TBC1D1: variants seen among roughly 807,000 people sequenced by gnomAD.
The protein encoded by TBC1D1 is TBC1 (tre-2/USP6, BUB2, cdc16) domain family, member 1.
Under a neutral mutation model 125.6 loss-of-function variants are expected in TBC1D1, and 89 were observed. The ratio of observed to expected loss-of-function variants is 0.71; its 90% CI spans 0.60 to 0.85. The LOEUF (loss-of-function observed/expected upper bound fraction) is 0.85. Ranked by LOEUF, TBC1D1 falls within the 40% of genes least tolerant of loss-of-function variation. The probability of loss-of-function intolerance (pLI) is 0.00; values close to 1 mark genes in which losing one functional copy is unlikely to be tolerated. For missense variants in TBC1D1, 1,377 were observed against 1,469.2 expected (o/e 0.94, Z 1.03); for synonymous variants, 565 against 564.1 (o/e 1.00, Z -0.02).
chr4:38,022,029 G>C (rs1403692105), intron 6 of TBC1D1, among the ~76,000 whole-genome samples: 1 of 152,240 alleles, frequency 6.6e-6, no homozygotes, highest in African/African-American at 2.4e-5. Flanking sequence ...GGTTGTGTGA[G>C]TGGTCAGTCA....
At chr4:38,063,284 A>G (rs1225190069) in intron 12 of TBC1D1, among the ~76,000 whole-genome samples, 2 of 152,196 alleles carry the variant, frequency 1.3e-5, no homozygotes, top group Non-Finnish European at 2.9e-5. Flanking sequence ...ATTCACTTTC[A>G]GGGCCTGGCA....
chr4:38,071,266 G>A (rs1403780113), intron 12 of TBC1D1, among the ~76,000 whole-genome samples: 1 of 152,060 alleles, frequency 6.6e-6, no homozygotes, highest in African/African-American at 2.4e-5. Flanking sequence ...CTGGGAAAGA[G>A]CCCCCAAGTG....
intron 17 of TBC1D1, among the ~76,000 whole-genome samples, chr4:38,121,281 AAG>A (rs1172461456): frequency 2.0e-5 from 3 of 152,322 alleles, no homozygotes; most frequent in East Asian, 3.9e-4. Flanking sequence ...TGGCTGGAAA[AAG>A]AGATGCAGTG....
At chr4:37,938,434 T>C (rs768419715) in intron 2 of TBC1D1, among the ~76,000 whole-genome samples, 2 of 152,172 alleles carry the variant, frequency 1.3e-5, no homozygotes, top group African/African-American at 2.4e-5. Context: ...GGTTGGACAG[T>C]GCAAACATAA....
In TBC1D1 at chr4:38,115,860, A is replaced by T. The variant is rs762184796; in HGVS notation, c.2708A>T (p.His903Leu). 2 of 1,614,202 alleles carry T rather than the reference A, an allele frequency of 1.2e-6. No individual in the cohort carries two copies. Among genetic ancestry groups the T allele is most frequent in the Middle Eastern group, 1.6e-4 (1 of 6,062 alleles). ...TTTGTAGCAGGCATTTTGCTTCTTC[A>T]TATGAGTGAGGAAGAGGCGTTTAAA... The change falls in exon 16 of 20, where the codon CAT (histidine) becomes CTT (leucine). Residue 903 changes from histidine (H) to leucine (L), a missense_variant. His to Leu is a moderately conservative substitution (Grantham distance 99). Coordinates refer to ENST00000261439, the MANE Select transcript of TBC1D1 (RefSeq NM_015173.4).
chr4:37,892,564 T>C (rs1251467997), intron 1 of TBC1D1, among the ~76,000 whole-genome samples: 1 of 149,932 alleles, frequency 6.7e-6, no homozygotes, highest in Non-Finnish European at 1.5e-5. Context: ...ATTTCTTTCC[T>C]GTGGATTTGT....
Position 37,955,408 on chromosome 4 carries a change from C to T in TBC1D1, c.417+52896C>T, listed in dbSNP as rs569296656. Among the ~76,000 whole-genome samples the T allele has an allele frequency of 3.3e-5, 5 of 152,208 alleles. No homozygotes were observed. The South Asian group carries it at 8.3e-4, about 25-fold the overall frequency. On this transcript the variant is annotated intron_variant, in intron 2 of 19. Transcript: ENST00000261439. ...CAAAATCCATGGATGCTCAAACCCC[C>T]GATATAAAATGACATAGTATTTGCC...
intron 2 of TBC1D1, among the ~76,000 whole-genome samples, chr4:37,935,391 T>C (rs1724180921): frequency 6.6e-6 from 1 of 152,190 alleles, no homozygotes; most frequent in South Asian, 2.1e-4. Context: ...TTCTTTTTGA[T>C]TAATGGCTCA....
chr4:37,998,486 C>T (rs1738304983), intron 2 of TBC1D1, among the ~76,000 whole-genome samples: 1 of 152,222 alleles, frequency 6.6e-6, no homozygotes, highest in South Asian at 2.1e-4. Context: ...CTGTCCTGGG[C>T]CTCCTCCACA....
intron 2 of TBC1D1, among the ~76,000 whole-genome samples, chr4:37,920,033 AACC>A (rs1212381863): frequency 6.6e-6 from 1 of 152,338 alleles, no homozygotes; most frequent in East Asian, 1.9e-4. Context: ...GAATGGCGTG[AACC>A]GGTGAGGCGG....
At chr4:38,082,932 G>T (rs939008707) in intron 12 of TBC1D1, among the ~76,000 whole-genome samples, 2 of 152,222 alleles carry the variant, frequency 1.3e-5, no homozygotes, top group Non-Finnish European at 2.9e-5. Context: ...TTGGGAGGGA[G>T]TGGGGATAAA....
rs531127544 is a variant in TBC1D1, at chr4:37,902,071, G to A, written c.-25G>A. 3.5e-5 allele frequency: 55 copies of A among 1,556,464 alleles called. 2 individuals carry two copies. The South Asian group carries it at 5.5e-4, about 16-fold the overall frequency. On this transcript the variant is annotated 5_prime_UTR_variant, in exon 2 of 20. Coordinates refer to ENST00000261439, the MANE Select transcript of TBC1D1 (RefSeq NM_015173.4). Reference sequence around the variant, plus strand: ...ACAGAAAAACAGTGATAACTGTTTTGCTGAGTTCCCAGACCCTTCCCAAGA... The same window carrying A: ...ACAGAAAAACAGTGATAACTGTTTTACTGAGTTCCCAGACCCTTCCCAAGA...
intron 11 of TBC1D1, chr4:38,051,925 C>T: frequency 6.4e-7 from 1 of 1,550,440 alleles, no homozygotes; most frequent in African/African-American, 1.4e-5. Context: ...GTGGGTGAGT[C>T]TAAGCACCGC....
rs1337964559 is a variant in TBC1D1, at chr4:38,014,524, A to G, written c.433A>G (p.Ser145Gly). The change falls in exon 3 of 20, where the codon AGC (serine) becomes GGC (glycine). Residue 145 changes from serine to glycine, a missense_variant. Ser to Gly is a moderately conservative substitution (Grantham distance 56). Around this residue, in one of 3 missense-constraint regions of TBC1D1, gnomAD observed 822 missense variants for 824.6 expected, o/e 1.00. Coordinates refer to ENST00000261439, the MANE Select transcript of TBC1D1 (RefSeq NM_015173.4). This position sits in a 1 kb window ranked among gnomAD's most constrained non-coding sequence, Gnocchi z 5.1. ...CTCTCCTCAGGTGCCTGAGATCATC[A>G]GCTCCATCCGTCAGGCGGGGAAGAT... The G allele has an allele frequency of 1.9e-6, 3 of 1,612,872 alleles. No homozygotes were observed. Among genetic ancestry groups the G allele is most frequent in the South Asian group, 1.1e-5 (1 of 91,060 alleles).
intron 1 of TBC1D1, among the ~76,000 whole-genome samples, chr4:37,896,220 C>T (rs1318997114): frequency 6.6e-6 from 1 of 152,118 alleles, no homozygotes; most frequent in African/African-American, 2.4e-5. Context: ...CTCTCCCTAC[C>T]CACTCCCACC....
chr4:37,982,346 T>A (rs370457333), intron 2 of TBC1D1, among the ~76,000 whole-genome samples: 3 of 152,354 alleles, frequency 2.0e-5, no homozygotes, highest in African/African-American at 7.2e-5. Flanking sequence ...GTTAATGTGA[T>A]GTATTGTTTT....
At chr4:37,925,812 TAA>T (rs34304009) in intron 2 of TBC1D1, among the ~76,000 whole-genome samples, 21 of 151,038 alleles carry the variant, frequency 1.4e-4, no homozygotes, top group African/African-American at 5.1e-4. Context: ...ATAACTGTTC[TAA>T]AAAAAAAGTT....
At position 37,967,265 on chromosome 4, in the gene TBC1D1, CG is replaced by C. The variant is rs1033230339; in HGVS notation, c.418-47241del. Among the ~76,000 whole-genome samples, 4 of 152,136 alleles carry C rather than the reference CG, an allele frequency of 2.6e-5. No individual in the cohort carries two copies. In the South Asian group the frequency reaches 8.3e-4, roughly 32 times the overall value. ...ATCCCTGCACTTTGGGAGGGCGAGG[CG>C]GGTGGATCACCTGGGGTCAGGAGTT... On this transcript the variant is annotated intron_variant, in intron 2 of 19. Transcript: ENST00000261439.
chr4:37,897,850 T>TGA (rs781388488), intron 1 of TBC1D1, among the ~76,000 whole-genome samples: 9 of 152,112 alleles, frequency 5.9e-5, no homozygotes, highest in Non-Finnish European at 1.2e-4. Context: ...TTTTCACCTG[T>TGA]GAGAGAGAGA....
Sources: allele counts gnomAD v4.1 joint callset (sites outside exome capture counted in the v4.1 genomes callset), GRCh38; gene constraint gnomAD v4.1.1; regional missense constraint gnomAD v4.1.1; non-coding constraint Gnocchi (gnomAD v3.1); transcripts MANE v1.5; gene names NCBI Gene and HGNC (gene_info 2026-07-23, HGNC 2026-07-21).